Variants in RLN3 observed in about 807,000 individuals in gnomAD.
RLN3 encodes relaxin-3.
A neutral mutation model predicts 10.2 loss-of-function variants in RLN3; 13 were observed. That is an observed-to-expected ratio of 1.28 (90% CI 0.83 to 2.03). The LOEUF (loss-of-function observed/expected upper bound fraction) is 2.03. RLN3 is among the 30% of genes most tolerant of loss of function. RLN3 has a pLI of 0.00. For synonymous variants in RLN3, 56 were observed against 79.2 expected, an observed-to-expected ratio of 0.71 and a Z score of 1.56; for missense variants, 191 against 187.2, an observed-to-expected ratio of 1.02 and a Z score of -0.12.
At chr19:14,030,387 C>T (rs1221556732) in intron 1 of RLN3, 13 of 692,900 alleles carry the variant, frequency 1.9e-5, no homozygotes, top group Admixed American at 8.1e-5. Context: ...GGGCTGGGTG[C>T]GGTGGCTCAC....
Position 14,030,803 on chromosome 19 carries a change from A to G in RLN3, c.284A>G (p.Lys95Arg). Residue 95 changes from lysine (K) to arginine (R), a missense_variant, in exon 2 of 2, where the codon AAG (lysine) becomes AGG (arginine). By Grantham distance (26) the Lys-to-Arg change is conservative. Transcript: ENST00000431365. Reference sequence around the variant, plus strand: ...TCCAGCGAGTGGCTGGCCCTGACCAAGTCACCCCAGGCCTTTTACAGGGGG... The same window carrying G: ...TCCAGCGAGTGGCTGGCCCTGACCAGGTCACCCCAGGCCTTTTACAGGGGG... ...MGSSEWLALT[K>R]SPQAFYRGRP... is the part of the protein sequence containing the mutation. 1 of 1,614,170 alleles carries G rather than the reference A, an allele frequency of 6.2e-7. No individual in the cohort carries two copies. Among genetic ancestry groups the G allele is most frequent in the Non-Finnish European group, 8.5e-7 (1 of 1,180,024 alleles).
rs531274244 is a variant in RLN3, at chr19:14,028,462, C to A, written c.190+68C>A. On this transcript the variant is annotated intron_variant, in intron 1 of 1. Transcript: ENST00000431365. ...CTGGATGGGTCCCAGGAGCTAAGGA[C>A]AGAGATAAGAGGAGGTTGCTGGAGG... is the stretch of plus-strand genomic sequence containing the variant. 1.1e-5 allele frequency: 16 copies of A among 1,429,306 alleles called. No homozygotes were observed. In the African/African-American group the frequency reaches 2.1e-4, roughly 19 times the overall value. 88.5% of individuals were successfully genotyped at this position (1,429,306 alleles called of 1,614,324 possible). A position where few individuals can be genotyped will look rare whatever the true frequency, so the allele number is the denominator to read the frequency against.
Position 14,031,298 on chromosome 19 carries a change from A to G in RLN3, c.*350A>G. On this transcript the variant is annotated 3_prime_UTR_variant, in exon 2 of 2. Coordinates refer to ENST00000431365, the MANE Select transcript of RLN3 (RefSeq NM_080864.4). The stretch of plus-strand genomic sequence containing the variant: ...TCCCTACTCTACCTAGGCTGGCCAC[A>G]CAGAGACCCCTGCCCCCTTCCCAGT... The G allele has an allele frequency of 3.8e-6, 1 of 263,274 alleles. No homozygotes were observed. Among genetic ancestry groups the G allele is most frequent in the Admixed American group, 4.9e-5 (1 of 20,300 alleles). 16.3% of individuals were successfully genotyped at this position (263,274 alleles called of 1,614,324 possible).
At chr19:14,030,564 A>T in intron 1 of RLN3, 146 bp from the exon 2 acceptor site, 1 of 796,394 alleles carries the variant, frequency 1.3e-6, no homozygotes, top group Non-Finnish European at 2.2e-6. Context: ...CAGAGCCAGA[A>T]TTTGAACCCA....
chr19:14,030,655 CTG>C, intron 1 of RLN3, 53 bp from the exon 2 acceptor site: 1 of 1,431,482 alleles, frequency 7.0e-7, no homozygotes, highest in South Asian at 1.1e-5. Flanking sequence ...GGAGCCATGA[CTG>C]TGGGTGCAGC....
intron 1 of RLN3, among the ~76,000 whole-genome samples, chr19:14,029,448 T>C (rs1975764257): frequency 1.3e-5 from 2 of 150,850 alleles, no homozygotes. Flanking sequence ...ATCACCTGGG[T>C]TCAAGCGATT....
Position 14,028,414 on chromosome 19 carries a change from G to A in RLN3, c.190+20G>A, listed in dbSNP as rs1019095261. The A allele has an allele frequency of 6.9e-6, 11 of 1,594,162 alleles. No homozygotes were observed. The highest frequency in any genetic ancestry group is 8.6e-7 in the Non-Finnish European group (1 of 1,169,268). The stretch of plus-strand genomic sequence containing the variant: ...CTATGGGTGAGGCTGGGGAGAGAGT[G>A]GATGTAGAAGGGGAACAGGTGGCTG... On this transcript the variant is annotated intron_variant, in intron 1 of 1. Transcript: ENST00000431365.
In RLN3 at chr19:14,030,862, C is replaced by T. The variant is rs201169924; in HGVS notation, c.343C>T (p.Arg115Trp). 9.2e-5 allele frequency: 149 copies of T among 1,611,574 alleles called. No individual in the cohort carries two copies. Among genetic ancestry groups the T allele is most frequent in the Non-Finnish European group, 1.2e-4 (139 of 1,178,242 alleles). The change falls in exon 2 of 2, where the codon CGG becomes TGG. Residue 115 changes from arginine to tryptophan, a missense_variant. Coordinates refer to ENST00000431365, the MANE Select transcript of RLN3 (RefSeq NM_080864.4). ...PSWQGTPGVL[R>W]GSRDVLAGLS... The stretch of plus-strand genomic sequence containing the variant: ...CTGGCAAGGAACCCCTGGGGTTCTT[C>T]GGGGCAGCCGAGATGTCCTGGCTGG...
rs1469149626 is a variant in RLN3, at chr19:14,028,240, A to G, written c.36A>G (p.Val12=). The G allele has an allele frequency of 3.7e-6, 6 of 1,609,538 alleles. No homozygotes were observed. The highest frequency in any genetic ancestry group is 1.7e-4 in the Middle Eastern group (1 of 6,024). The change falls in exon 1 of 2, where the codon GTA becomes GTG. Residue 12 remains valine (V), a synonymous_variant. Transcript: ENST00000431365. ...ACATGCTGCTGCTGCTCCTGGCGGT[A>G]TGGGTGCTGACCGGGGAGCTGTGGC... is the stretch of plus-strand genomic sequence containing the variant. ...ARYMLLLLLA[V]WVLTGELWPG...
At position 14,028,348 on chromosome 19, in the gene RLN3, G is replaced by C. The variant is rs1975747671; in HGVS notation, c.144G>C (p.Gly48=). The change falls in exon 1 of 2, where the codon GGG becomes GGC. Residue 48 remains glycine, a synonymous_variant. Transcript: ENST00000431365. Reference sequence around the variant, plus strand: ...TCCGAGCAGTCATCTTCACCTGCGGGGGCTCCCGGTGGAGACGATCAGACA... The same window carrying C: ...TCCGAGCAGTCATCTTCACCTGCGGCGGCTCCCGGTGGAGACGATCAGACA... ...EFIRAVIFTC[G]GSRWRRSDIL... is the part of the protein sequence containing the mutation. 6.2e-7 allele frequency: 1 copy of C among 1,613,896 alleles called. No individual in the cohort carries two copies. Among genetic ancestry groups the C allele is most frequent in the Non-Finnish European group, 8.5e-7 (1 of 1,179,934 alleles).
intron 1 of RLN3, among the ~76,000 whole-genome samples, chr19:14,029,704 T>C (rs1360667378): frequency 6.6e-6 from 1 of 151,824 alleles, no homozygotes; most frequent in Non-Finnish European, 1.5e-5. Context: ...AAAATACGGG[T>C]GATAACTGCA....
chr19:14,031,229 A>ACCAT lies in RLN3; in HGVS notation c.*282_*285dup. On this transcript the variant is annotated 3_prime_UTR_variant, in exon 2 of 2. Coordinates refer to ENST00000431365, the MANE Select transcript of RLN3 (RefSeq NM_080864.4). ...GACCCCTGACCTCTCCCCAGCCCTA[A>ACCAT]CCATGCGTTTGCCTGGCCTACACAC... The ACCAT allele has an allele frequency of 2.4e-6, 1 of 409,724 alleles. No homozygotes were observed. Among genetic ancestry groups the ACCAT allele is most frequent in the Non-Finnish European group, 4.4e-6 (1 of 227,048 alleles). The allele number at this position is 409,724 out of a possible 1,614,324, so 25.4% of individuals were successfully genotyped here.
chr19:14,030,582 G>A, intron 1 of RLN3, 128 bp from the exon 2 acceptor site: 1 of 880,914 alleles, frequency 1.1e-6, no homozygotes, highest in Non-Finnish European at 1.9e-6. Context: ...CCAGGACTGG[G>A]TGGAATAAAA....
intron 1 of RLN3, among the ~76,000 whole-genome samples, chr19:14,029,330 A>G (rs1359060177): frequency 6.6e-6 from 1 of 151,868 alleles, no homozygotes; most frequent in Non-Finnish European, 1.5e-5. Flanking sequence ...TCTACAATGT[A>G]ATAGTTGTGT....
rs2145682245 is a variant in RLN3, at chr19:14,031,046, A to C, written c.*98A>C. 1 of 838,992 alleles carries C rather than the reference A, an allele frequency of 1.2e-6. No individual in the cohort carries two copies. Among genetic ancestry groups the C allele is most frequent in the East Asian group, 2.5e-5 (1 of 40,784 alleles). The allele number at this position is 838,992 out of a possible 1,614,324, so 52.0% of individuals were successfully genotyped here. A position where few individuals can be genotyped will look rare whatever the true frequency, so the allele number is the denominator to read the frequency against. The stretch of plus-strand genomic sequence containing the variant: ...TGGGCACCTGTCTTTCGAGCCTCAC[A>C]CATTCATTCATTCATCTACAAGTCA... On this transcript the variant is annotated 3_prime_UTR_variant, in exon 2 of 2. Coordinates refer to ENST00000431365, the MANE Select transcript of RLN3 (RefSeq NM_080864.4).
At chr19:14,028,968 G>T (rs995905232) in intron 1 of RLN3, among the ~76,000 whole-genome samples, 1 of 151,932 alleles carries the variant, frequency 6.6e-6, no homozygotes, top group Non-Finnish European at 1.5e-5. Context: ...TGTAGAAACA[G>T]GGGTCTCACT....
rs780161400 is a variant in RLN3, at chr19:14,030,911, G to C, written c.392G>C (p.Trp131Ser). 1 of 1,590,918 alleles carries C rather than the reference G, an allele frequency of 6.3e-7. No individual in the cohort carries two copies. The highest frequency in any genetic ancestry group is 1.1e-5 in the South Asian group (1 of 88,866). The change falls in exon 2 of 2, where the codon TGG becomes TCG. Residue 131 changes from tryptophan to serine, a missense_variant. Trp to Ser is a radical substitution (Grantham distance 177, BLOSUM62 -3). Coordinates refer to ENST00000431365, the MANE Select transcript of RLN3 (RefSeq NM_080864.4). ...LAGLSSSCCK[W>S]GCSKSEISSL... The stretch of plus-strand genomic sequence containing the variant: ...GGCCTTTCCAGCAGCTGCTGCAAGT[G>C]GGGGTGTAGCAAAAGTGAAATCAGT...
chr19:14,028,201 C>A lies in RLN3; in HGVS notation c.-4C>A. ...CTCTCACGTTCAAAGCATCTCCGTC[C>A]AGCATGGCCAGGTACATGCTGCTGC... is the stretch of plus-strand genomic sequence containing the variant. On this transcript the variant is annotated 5_prime_UTR_variant, in exon 1 of 2. Coordinates refer to ENST00000431365, the MANE Select transcript of RLN3 (RefSeq NM_080864.4). 6.3e-7 allele frequency: 1 copy of A among 1,574,942 alleles called. No homozygotes were observed. The highest frequency in any genetic ancestry group is 1.2e-5 in the South Asian group (1 of 85,734).
chr19:14,030,917 G>A lies in RLN3; in HGVS notation c.398G>A (p.Cys133Tyr). 5.0e-6 allele frequency: 8 copies of A among 1,585,802 alleles called. No individual in the cohort carries two copies. Among genetic ancestry groups the A allele is most frequent in the Non-Finnish European group, 5.2e-6 (6 of 1,164,296 alleles). The change falls in exon 2 of 2, where the codon TGT becomes TAT. Residue 133 changes from cysteine (C) to tyrosine (Y), a missense_variant. Cys to Tyr is a radical substitution (Grantham distance 194). Coordinates refer to ENST00000431365, the MANE Select transcript of RLN3 (RefSeq NM_080864.4). ...GLSSSCCKWGCSKSEISSLC is the reference protein window; with the variant it reads ...GLSSSCCKWGYSKSEISSLC ...TCCAGCAGCTGCTGCAAGTGGGGGT[G>A]TAGCAAAAGTGAAATCAGTAGCCTT...
Sources: allele counts gnomAD v4.1 joint callset (sites outside exome capture counted in the v4.1 genomes callset), GRCh38; gene constraint gnomAD v4.1.1; transcripts MANE v1.5; gene names NCBI Gene and HGNC (gene_info 2026-07-23, HGNC 2026-07-21).